COP1: variants seen among roughly 807,000 people sequenced by gnomAD.
COP1 encodes the protein E3 ubiquitin-protein ligase COP1.
A neutral mutation model predicts 101.3 loss-of-function variants in COP1; 24 were observed. The ratio of observed to expected loss-of-function variants is 0.24; its 90% CI spans 0.17 to 0.33. The LOEUF (loss-of-function observed/expected upper bound fraction) is 0.33. Ranked by LOEUF, COP1 falls within the 10% of genes least tolerant of loss-of-function variation. The pLI, the probability that COP1 is intolerant of heterozygous loss-of-function variation, is 1.00. For missense variants in COP1, 663 were observed against 906.2 expected (o/e 0.73, Z 3.45); for synonymous variants, 347 against 341.9 (o/e 1.01, Z -0.17).
intron 6 of COP1, among the ~76,000 whole-genome samples, chr1:176,139,187 C>G (rs1690258404): frequency 6.6e-6 from 1 of 151,216 alleles, no homozygotes; most frequent in Non-Finnish European, 1.5e-5. Flanking sequence ...CTCAACATCA[C>G]TAATCATCAG....
intron 6 of COP1, among the ~76,000 whole-genome samples, chr1:176,138,167 T>C (rs1288965284): frequency 6.6e-6 from 1 of 151,972 alleles, no homozygotes; most frequent in Non-Finnish European, 1.5e-5. Flanking sequence ...GAGTAAATAA[T>C]AACATATGCG....
intron 10 of COP1, 95 bp downstream of exon 10, chr1:176,085,680 CT>C: frequency 3.3e-6 from 2 of 598,450 alleles, no homozygotes; most frequent in South Asian, 6.9e-5. Flanking sequence ...CATACTTTTG[CT>C]TTGCAATTAG....
In COP1 at chr1:176,027,635, C is replaced by T. The variant is rs1370920392; in HGVS notation, c.1666G>A (p.Ala556Thr). 6.2e-7 allele frequency: 1 copy of T among 1,613,878 alleles called. No homozygotes were observed. Among genetic ancestry groups the T allele is most frequent in the Non-Finnish European group, 8.5e-7 (1 of 1,179,870 alleles). The change falls in exon 15 of 20, where the codon GCT becomes ACT. Residue 556 changes from alanine to threonine, a missense_variant. Around this residue, in one of 4 missense-constraint regions of COP1, gnomAD observed 209 missense variants for 383.3 expected, o/e 0.55. Coordinates refer to ENST00000367669, the MANE Select transcript of COP1 (RefSeq NM_022457.7). ...CTGAATTTAACACAGCACACATTAG[C>T]CTTTGCCTCAATGCTTGCCACTGAG... is the stretch of plus-strand genomic sequence containing the variant. ...DNSVASIEAK[A>T]NVCCVKFSPS... is the part of the protein sequence containing the mutation.
chr1:175,986,419 T>C (rs546711549), intron 18 of COP1, among the ~76,000 whole-genome samples: 1 of 152,330 alleles, frequency 6.6e-6, no homozygotes, highest in South Asian at 2.1e-4. Context: ...GTAGCATAAC[T>C]GTCTCATCAA....
rs1348454863 is a variant in COP1 at position 176,003,473 on chromosome 1, TA to T, written c.1730-13995del. Among the ~76,000 whole-genome samples the T allele has an allele frequency of 2.9e-3, 435 of 152,078 alleles. 3 individuals carry two copies. Among genetic ancestry groups the T allele is most frequent in the Non-Finnish European group, 3.9e-3 (266 of 67,940 alleles). On this transcript the variant is annotated intron_variant, in intron 15 of 19. Coordinates refer to ENST00000367669, the MANE Select transcript of COP1 (RefSeq NM_022457.7). ...TGCCTAGGTTTTCTTCTAGGGTTTT[TA>T]TGGTTTTAGGTCTAACATGTAAGTC...
intron 15 of COP1, among the ~76,000 whole-genome samples, chr1:176,023,314 G>A (rs1241113037): frequency 6.6e-6 from 1 of 152,192 alleles, no homozygotes; most frequent in Non-Finnish European, 1.5e-5. Context: ...CATAATTATA[G>A]TGGAATGAAA....
intron 3 of COP1, among the ~76,000 whole-genome samples, chr1:176,164,788 G>A (rs1473453978): frequency 6.6e-6 from 1 of 151,938 alleles, no homozygotes; most frequent in African/African-American, 2.4e-5. Context: ...CTTTAAATTG[G>A]ATCTTTCTAT....
At chr1:176,186,086 C>T (rs193058526) in intron 1 of COP1, among the ~76,000 whole-genome samples, 1 of 151,916 alleles carries the variant, frequency 6.6e-6, no homozygotes, top group Admixed American at 6.6e-5. Flanking sequence ...CAAAGGGACC[C>T]ATAGTAAAGA....
chr1:175,953,764 T>TAA (rs58137281), intron 18 of COP1, among the ~76,000 whole-genome samples: 6 of 125,130 alleles, frequency 4.8e-5, no homozygotes, highest in Admixed American at 8.1e-5. Context: ...GGTCAACTTA[T>TAA]AAAAAAAAAA....
chr1:176,030,542 T>C (rs2149090860), intron 14 of COP1, among the ~76,000 whole-genome samples: 1 of 152,334 alleles, frequency 6.6e-6, no homozygotes, highest in Non-Finnish European at 1.5e-5. Flanking sequence ...GCAGGTCTTT[T>C]GTAATTTCAT....
chr1:175,971,084 T>C (rs1412021957), intron 18 of COP1, among the ~76,000 whole-genome samples: 1 of 152,190 alleles, frequency 6.6e-6, no homozygotes, highest in Non-Finnish European at 1.5e-5. Flanking sequence ...TTACTGCTAT[T>C]TGATGAATAA....
intron 18 of COP1, among the ~76,000 whole-genome samples, chr1:175,961,766 T>C (rs1459815754): frequency 1.4e-5 from 2 of 145,154 alleles, no homozygotes; most frequent in Non-Finnish European, 3.0e-5. Flanking sequence ...AAGAAGAGAG[T>C]GATCCTTTAC....
intron 18 of COP1, among the ~76,000 whole-genome samples, chr1:175,974,046 A>G (rs1214700514): frequency 6.6e-6 from 1 of 152,196 alleles, no homozygotes; most frequent in African/African-American, 2.4e-5. Flanking sequence ...GATGTCACAT[A>G]AAGTTTAGAT....
At chr1:176,188,027 G>A (rs1402183208) in intron 1 of COP1, among the ~76,000 whole-genome samples, 1 of 151,978 alleles carries the variant, frequency 6.6e-6, no homozygotes, top group Non-Finnish European at 1.5e-5. Flanking sequence ...ATGAGATCAG[G>A]CAGATCCAGA....
intron 1 of COP1, among the ~76,000 whole-genome samples, chr1:176,193,242 T>C (rs1258029280): frequency 1.3e-5 from 2 of 152,168 alleles, no homozygotes. Flanking sequence ...TTCACACCCA[T>C]TAGGTTGGCT....
chr1:176,131,304 T>A (rs148962660), intron 8 of COP1, among the ~76,000 whole-genome samples: 33 of 151,824 alleles, frequency 2.2e-4, no homozygotes, highest in Non-Finnish European at 4.4e-4. Flanking sequence ...ATGCTAAGGA[T>A]CTAAACAAGG....
chr1:176,162,301 T>G (rs1023280143), intron 5 of COP1, among the ~76,000 whole-genome samples: 4 of 152,224 alleles, frequency 2.6e-5, no homozygotes, highest in African/African-American at 9.6e-5. Context: ...TGTGTGTTGC[T>G]TATAATATAT....
At position 176,014,749 on chromosome 1, in the gene COP1, T is replaced by A. The variant is rs527349973; in HGVS notation, c.1729+12823A>T. 2.0e-5 allele frequency among the ~76,000 whole-genome samples: 3 copies of A among 152,274 alleles called. No homozygotes were observed. In the East Asian group the frequency reaches 5.8e-4, roughly 29 times the overall value. On this transcript the variant is annotated intron_variant, in intron 15 of 19. Coordinates refer to ENST00000367669, the MANE Select transcript of COP1 (RefSeq NM_022457.7). ...GCAAAAACCAATGTGTGTGTATGTA[T>A]ACATACATATATATGTACACTATAC...
Position 176,124,664 on chromosome 1 carries a change from C to T in COP1, c.969-7983G>A, listed in dbSNP as rs76343768. Among the ~76,000 whole-genome samples the T allele has an allele frequency of 3.1e-3, 477 of 152,296 alleles. 1 individual carries two copies. The highest frequency in any genetic ancestry group is 0.011 in the African/African-American group (458 of 41,572). ...GTGTACCACATTTTCTCAATTCATTCATCTGTTGATGGACACACAGGTTAC... is the reference window on the plus strand; with the variant it reads ...GTGTACCACATTTTCTCAATTCATTTATCTGTTGATGGACACACAGGTTAC... On this transcript the variant is annotated intron_variant, in intron 8 of 19. Coordinates refer to ENST00000367669, the MANE Select transcript of COP1 (RefSeq NM_022457.7).
Sources: allele counts gnomAD v4.1 joint callset (sites outside exome capture counted in the v4.1 genomes callset), GRCh38; gene constraint gnomAD v4.1.1; regional missense constraint gnomAD v4.1.1; transcripts MANE v1.5; gene names NCBI Gene and HGNC (gene_info 2026-07-23, HGNC 2026-07-21).